The following FAM110B variants were observed in gnomAD, a reference collection of about 807,000 sequenced individuals.
FAM110B encodes family with sequence similarity 110 member B.
A neutral mutation model predicts 20.4 loss-of-function variants in FAM110B; 6 were observed. The ratio of observed to expected loss-of-function variants is 0.29; its 90% CI spans 0.16 to 0.58. The LOEUF is 0.58. Ranked by LOEUF, FAM110B falls within the 20% of genes least tolerant of loss-of-function variation. FAM110B has a pLI of 0.90. For synonymous variants in FAM110B, 226 were observed against 214.1 expected, an observed-to-expected ratio of 1.06 and a Z score of -0.49; for missense variants, 434 against 498.2, an observed-to-expected ratio of 0.87 and a Z score of 1.23.
At chr8:58,034,090 A>G (rs1358534980) in intron 2 of FAM110B, among the ~76,000 whole-genome samples, 2 of 152,206 alleles carry the variant, frequency 1.3e-5, no homozygotes, top group African/African-American at 2.4e-5. Flanking sequence ...TAACAAAATC[A>G]GTAGTCCAGA....
rs572067690 is a variant in FAM110B, at chr8:58,033,825, T to C, written c.-414+2122T>C. On this transcript the variant is annotated intron_variant, in intron 2 of 3. Coordinates refer to ENST00000519262, the MANE Select transcript of FAM110B (RefSeq NM_001377989.1). ...AAGCTGTCAGCTGCAAGTCAGTTGA[T>C]TGCCACACGTCTTCCTCCTGCTGAC... 2.6e-5 allele frequency among the ~76,000 whole-genome samples: 4 copies of C among 152,330 alleles called. No homozygotes were observed. The South Asian group carries it at 8.3e-4, about 32-fold the overall frequency.
At chr8:58,085,461 C>A (rs117972483) in intron 3 of FAM110B, among the ~76,000 whole-genome samples, 1 of 152,064 alleles carries the variant, frequency 6.6e-6, no homozygotes, top group South Asian at 2.1e-4. Context: ...TGCAGTGAGC[C>A]GAGATCGCAC....
At chr8:58,071,263 C>G (rs1805890794) in intron 2 of FAM110B, among the ~76,000 whole-genome samples, 1 of 152,144 alleles carries the variant, frequency 6.6e-6, no homozygotes, top group Non-Finnish European at 1.5e-5. Flanking sequence ...TTCTCAGCGT[C>G]CCTTCTCCAT....
rs756607358 is a variant in FAM110B at position 58,147,077 on chromosome 8, C to T, written c.847C>T (p.Leu283=). The change falls in exon 4 of 4, where the codon CTG becomes TTG. Residue 283 remains leucine (L), a synonymous_variant. Coordinates refer to ENST00000519262, the MANE Select transcript of FAM110B (RefSeq NM_001377989.1). ...GGAGAGGTTCTTCAACTACTGTGGA[C>T]TGGACCCGGAAGAGCTGGAAAACCT... ...DVERFFNYCG[L]DPEELENLGM... is the part of the protein sequence containing the mutation. 6.2e-7 allele frequency: 1 copy of T among 1,614,190 alleles called. No homozygotes were observed. Among genetic ancestry groups the T allele is most frequent in the Admixed American group, 1.7e-5 (1 of 60,028 alleles).
chr8:58,046,013 A>G (rs1044482365), intron 2 of FAM110B, among the ~76,000 whole-genome samples: 1 of 152,168 alleles, frequency 6.6e-6, no homozygotes, highest in Non-Finnish European at 1.5e-5. Context: ...GAGCCTGATC[A>G]AAAGCACTGA....
At chr8:58,076,772 A>G (rs1370018118) in intron 3 of FAM110B, among the ~76,000 whole-genome samples, 5 of 152,192 alleles carry the variant, frequency 3.3e-5, no homozygotes, top group Admixed American at 1.3e-4. Flanking sequence ...CCTCAGGAGA[A>G]CAGAGCCTCA....
intron 3 of FAM110B, among the ~76,000 whole-genome samples, chr8:58,123,237 G>C (rs1252547653): frequency 6.6e-6 from 1 of 152,110 alleles, no homozygotes; most frequent in Non-Finnish European, 1.5e-5. Context: ...GCCCACTACT[G>C]CTCTATTTGG....
intron 3 of FAM110B, among the ~76,000 whole-genome samples, chr8:58,112,981 C>T (rs184457879): frequency 1.3e-4 from 20 of 152,252 alleles, no homozygotes; most frequent in Admixed American, 3.3e-4. Flanking sequence ...TCTAGTGAAG[C>T]CCCACTTCTG....
chr8:58,065,751 G>A (rs1192818058), intron 2 of FAM110B, among the ~76,000 whole-genome samples: 1 of 152,012 alleles, frequency 6.6e-6, no homozygotes, highest in Non-Finnish European at 1.5e-5. Context: ...AACCACCCTG[G>A]ACCATTTCCG....
At chr8:58,055,926 G>A (rs995679640) in intron 2 of FAM110B, among the ~76,000 whole-genome samples, 14 of 152,212 alleles carry the variant, frequency 9.2e-5, no homozygotes, top group Admixed American at 5.9e-4. Context: ...AAAGGGATTC[G>A]TATTTATGCC....
chr8:58,120,562 T>A (rs1807334920), intron 3 of FAM110B, among the ~76,000 whole-genome samples: 1 of 152,224 alleles, frequency 6.6e-6, no homozygotes, highest in African/African-American at 2.4e-5. Context: ...TCTTTCTGTG[T>A]AATTTATTTT....
intron 1 of FAM110B, among the ~76,000 whole-genome samples, chr8:58,022,011 TAAG>T (rs1804765798): frequency 1.3e-5 from 2 of 152,238 alleles, no homozygotes; most frequent in African/African-American, 4.8e-5. Context: ...GGTGCACAAG[TAAG>T]AAGGGAGCTG....
intron 1 of FAM110B, among the ~76,000 whole-genome samples, chr8:58,002,470 C>A (rs1804316702): frequency 6.6e-6 from 1 of 152,164 alleles, no homozygotes; most frequent in Non-Finnish European, 1.5e-5. Context: ...CCAACACTTC[C>A]TTTATTGAAC....
In FAM110B at chr8:58,146,908, C is replaced by G. The variant is rs765357865; in HGVS notation, c.678C>G (p.Pro226=). The change falls in exon 4 of 4, where the codon CCC becomes CCG. Residue 226 remains proline (P), a synonymous_variant. Coordinates refer to ENST00000519262, the MANE Select transcript of FAM110B (RefSeq NM_001377989.1). Reference sequence around the variant, plus strand: ...GTAGCTCTGCCCCTCCCCTGCCTCCCAAGCCCAAAATCGCAGCCATCGCCT... The same window carrying G: ...GTAGCTCTGCCCCTCCCCTGCCTCCGAAGCCCAAAATCGCAGCCATCGCCT... ...PCSSSAPPLP[P]KPKIAAIASM... 3 of 1,614,210 alleles carry G rather than the reference C, an allele frequency of 1.9e-6. No homozygotes were observed. Among genetic ancestry groups the G allele is most frequent in the Non-Finnish European group, 2.5e-6 (3 of 1,180,042 alleles).
chr8:58,146,281 C>T lies in FAM110B; in HGVS notation c.51C>T (p.Pro17=), dbSNP rs764284524. Residue 17 remains proline, a synonymous_variant, in exon 4 of 4, where the codon CCC becomes CCT. Coordinates refer to ENST00000519262, the MANE Select transcript of FAM110B (RefSeq NM_001377989.1). ...GTAGCATGGTGAAGCCGGTCAGCCC[C>T]GCGGGCACCTTCACCTCTGCTGTGC... The part of the protein sequence containing the change: ...QTGSMVKPVS[P]AGTFTSAVPL... The T allele has an allele frequency of 8.7e-6, 14 of 1,613,496 alleles. No individual in the cohort carries two copies. In the South Asian group the frequency reaches 1.4e-4, roughly 16 times the overall value.
intron 2 of FAM110B, among the ~76,000 whole-genome samples, chr8:58,033,391 A>G (rs1483228496): frequency 6.6e-6 from 1 of 152,168 alleles, no homozygotes; most frequent in Non-Finnish European, 1.5e-5. Flanking sequence ...TGGTAGAATG[A>G]TTTATTTCCC....
intron 2 of FAM110B, among the ~76,000 whole-genome samples, chr8:58,054,130 T>C (rs1805507524): frequency 6.6e-6 from 1 of 152,190 alleles, no homozygotes; most frequent in African/African-American, 2.4e-5. Context: ...CAAGAGTAGA[T>C]GACAGTCTAC....
intron 3 of FAM110B, among the ~76,000 whole-genome samples, chr8:58,083,219 GAC>G (rs369054805): frequency 1.3e-3 from 193 of 152,226 alleles, no homozygotes; most frequent in African/African-American, 4.4e-3. Context: ...AAAGAGGGGA[GAC>G]ACAGTCTATT....
chr8:58,096,632 A>C (rs1420079726), intron 3 of FAM110B, among the ~76,000 whole-genome samples: 1 of 152,104 alleles, frequency 6.6e-6, no homozygotes, highest in East Asian at 1.9e-4. Context: ...GTTTCTTCCT[A>C]GTGTTGATGG....
Sources: allele counts gnomAD v4.1 joint callset (sites outside exome capture counted in the v4.1 genomes callset), GRCh38; gene constraint gnomAD v4.1.1; transcripts MANE v1.5; gene names NCBI Gene and HGNC (gene_info 2026-07-23, HGNC 2026-07-21).